Variants in CARMIL1 observed in about 807,000 individuals in gnomAD.
CARMIL1 encodes F-actin-uncapping protein LRRC16A.
In CARMIL1, 90 loss-of-function variants were observed where a neutral mutation model predicts 177.1. The observed-to-expected ratio is 0.51, with a 90% CI of 0.43 to 0.61. The LOEUF (loss-of-function observed/expected upper bound fraction) is 0.61. CARMIL1 is among the 20% of genes least tolerant of loss of function. CARMIL1 has a pLI of 0.00. For missense variants in CARMIL1, 1,380 were observed against 1,667.0 expected, an observed-to-expected ratio of 0.83 and a Z score of 3.00; for synonymous variants, 577 against 606.2, an observed-to-expected ratio of 0.95 and a Z score of 0.71.
chr6:25,469,550 A>G (rs1387369589), intron 9 of CARMIL1, among the ~76,000 whole-genome samples: 2 of 151,320 alleles, frequency 1.3e-5, no homozygotes, highest in Non-Finnish European at 3.0e-5. Flanking sequence ...GTGTGTGTGT[A>G]TGTGTATGTG....
At chr6:25,461,821 G>C (rs973244776) in intron 8 of CARMIL1, among the ~76,000 whole-genome samples, 2 of 152,024 alleles carry the variant, frequency 1.3e-5, no homozygotes, top group Non-Finnish European at 2.9e-5. Flanking sequence ...GTTGCTCTGG[G>C]TCCTTATTAG....
chr6:25,360,939 T>A (rs535779545), intron 2 of CARMIL1, among the ~76,000 whole-genome samples: 5 of 152,220 alleles, frequency 3.3e-5, no homozygotes, highest in Non-Finnish European at 5.9e-5. Context: ...CCCAGTTAAG[T>A]TGAGGTTTTA....
intron 24 of CARMIL1, among the ~76,000 whole-genome samples, chr6:25,535,006 C>T (rs1398339374): frequency 1.3e-5 from 2 of 152,154 alleles, no homozygotes; most frequent in Non-Finnish European, 2.9e-5. Flanking sequence ...TTCAATAGCC[C>T]AGTATATCTG....
intron 16 of CARMIL1, among the ~76,000 whole-genome samples, chr6:25,499,891 G>A (rs1804134585): frequency 1.3e-5 from 2 of 152,158 alleles, no homozygotes; most frequent in African/African-American, 4.8e-5. Context: ...GTGTGCTGTT[G>A]GTTTATTTGC....
At chr6:25,535,769 A>C (rs1808238324) in intron 24 of CARMIL1, among the ~76,000 whole-genome samples, 1 of 152,156 alleles carries the variant, frequency 6.6e-6, no homozygotes, top group African/African-American at 2.4e-5. Context: ...CAAAATTTTC[A>C]ATCTGTACTC....
At chr6:25,544,752 A>G (rs1386259649) in intron 26 of CARMIL1, among the ~76,000 whole-genome samples, 2 of 152,162 alleles carry the variant, frequency 1.3e-5, no homozygotes, top group African/African-American at 2.4e-5. Context: ...ATATGAGTAA[A>G]TAGTAGCATT....
intron 26 of CARMIL1, among the ~76,000 whole-genome samples, chr6:25,546,548 A>G (rs1013954155): frequency 1.3e-5 from 2 of 151,576 alleles, no homozygotes; most frequent in African/African-American, 2.4e-5. Flanking sequence ...AAAATTTTAA[A>G]AATTAGCTGG....
intron 5 of CARMIL1, among the ~76,000 whole-genome samples, chr6:25,447,029 G>A (rs568754489): frequency 7.9e-5 from 12 of 152,256 alleles, no homozygotes; most frequent in East Asian, 7.7e-4. Flanking sequence ...CACTGATCAC[G>A]TCACCAAAAC....
At chr6:25,551,232 TGC>T (rs1810075335) in intron 27 of CARMIL1, 147 bp downstream of exon 27, 2 of 611,498 alleles carry the variant, frequency 3.3e-6, no homozygotes, top group Admixed American at 3.1e-5. Flanking sequence ...AATATAACTG[TGC>T]ATAAATGCAT....
intron 8 of CARMIL1, among the ~76,000 whole-genome samples, chr6:25,454,022 G>A (rs1799248183): frequency 6.6e-6 from 1 of 152,092 alleles, no homozygotes; most frequent in South Asian, 2.1e-4. Flanking sequence ...GTCAGCAAAG[G>A]GAAACTATAT....
intron 31 of CARMIL1, 108 bp downstream of exon 31, chr6:25,581,547 A>C (rs1562307506): frequency 7.9e-6 from 8 of 1,011,512 alleles, no homozygotes; most frequent in Non-Finnish European, 1.1e-5. Flanking sequence ...AGCTATGGTT[A>C]AGGAGACTAG....
chr6:25,366,668 A>T (rs922441303), intron 2 of CARMIL1, among the ~76,000 whole-genome samples: 2 of 151,270 alleles, frequency 1.3e-5, no homozygotes, highest in African/African-American at 4.9e-5. Context: ...ATACAAGTAA[A>T]TGAAAGTTTT....
chr6:25,494,022 T>C (rs574093762), intron 15 of CARMIL1, among the ~76,000 whole-genome samples: 1 of 151,512 alleles, frequency 6.6e-6, no homozygotes, highest in African/African-American at 2.4e-5. Context: ...TGTCCTGTTT[T>C]AAAACTTTAA....
At chr6:25,592,111 GT>G (rs756154987) in intron 31 of CARMIL1, among the ~76,000 whole-genome samples, 4 of 152,068 alleles carry the variant, frequency 2.6e-5, no homozygotes, top group Non-Finnish European at 5.9e-5. Context: ...AGGAAGCCCT[GT>G]GTTAGGACCG....
intron 29 of CARMIL1, among the ~76,000 whole-genome samples, chr6:25,557,551 A>G (rs1810735164): frequency 6.6e-6 from 1 of 152,160 alleles, no homozygotes; most frequent in African/African-American, 2.4e-5. Flanking sequence ...TTGTGTCTAT[A>G]TCATCCTCTG....
At chr6:25,420,515 T>C (rs1402171471) in intron 3 of CARMIL1, 1 of 197,764 alleles carries the variant, frequency 5.1e-6, no homozygotes, top group Non-Finnish European at 1.0e-5. Context: ...CTCTCTCAAC[T>C]GGGGCTTGAT....
chr6:25,459,267 T>TTTCTTTCTTTCTTTTCTTTC, intron 8 of CARMIL1, among the ~76,000 whole-genome samples: 1 of 109,478 alleles, frequency 9.1e-6, no homozygotes, highest in Non-Finnish European at 1.9e-5. Context: ...TCTTTCTTTC[T>TTTCTTTCTTTCTTTTCTTTC]TTTTTTTTTT....
At chr6:25,383,512 C>T (rs182186697) in intron 2 of CARMIL1, 3 of 151,930 alleles carry the variant, frequency 2.0e-5, no homozygotes, top group Non-Finnish European at 2.9e-5. Context: ...TGGTATTTTC[C>T]CTTTAGTAAG....
intron 31 of CARMIL1, among the ~76,000 whole-genome samples, chr6:25,590,381 AT>A: frequency 6.6e-6 from 1 of 152,188 alleles, no homozygotes; most frequent in East Asian, 1.9e-4. Flanking sequence ...GGCTTTGCTA[AT>A]ATTTTATGAG....
Sources: allele counts gnomAD v4.1 joint callset (sites outside exome capture counted in the v4.1 genomes callset), GRCh38; gene constraint gnomAD v4.1.1; transcripts MANE v1.5; gene names NCBI Gene and HGNC (gene_info 2026-07-23, HGNC 2026-07-21).